The following TRDN variants were observed in gnomAD, a reference collection of about 807,000 sequenced individuals.
TRDN encodes the protein triadin.
Under a neutral mutation model 149.7 loss-of-function variants are expected in TRDN, and 161 were observed. The ratio of observed to expected loss-of-function variants is 1.08; its 90% confidence interval spans 0.95 to 1.23. The LOEUF (loss-of-function observed/expected upper bound fraction) is 1.23. Among genes scored for constraint, TRDN ranks in the 50% most tolerant of loss-of-function variants. The pLI, the probability that TRDN is intolerant of heterozygous loss-of-function variation, is 0.00. For missense variants in TRDN, 896 were observed against 823.5 expected, an observed-to-expected ratio of 1.09 and a Z score of -1.08; for synonymous variants, 294 against 250.5, an observed-to-expected ratio of 1.17 and a Z score of -1.64.
chr6:123,465,910 A>G (rs959628318), intron 9 of TRDN, among the ~76,000 whole-genome samples: 4 of 152,180 alleles, frequency 2.6e-5, no homozygotes, highest in African/African-American at 9.6e-5. Context: ...CTTTTTTAGA[A>G]TTCACCAAAA....
chr6:123,429,686 G>A (rs918251101), intron 12 of TRDN, among the ~76,000 whole-genome samples: 1 of 152,072 alleles, frequency 6.6e-6, no homozygotes, highest in East Asian at 1.9e-4. Flanking sequence ...GTGTCTAACT[G>A]ACATTCCATT....
chr6:123,275,495 G>A (rs1177950779), intron 26 of TRDN, among the ~76,000 whole-genome samples: 1 of 152,104 alleles, frequency 6.6e-6, no homozygotes, highest in Non-Finnish European at 1.5e-5. Flanking sequence ...CTTGATTTTG[G>A]ACTTTTAACT....
In TRDN at chr6:123,255,822, G is replaced by A. The variant is rs1311532453; in HGVS notation, c.1906+45C>T. ...ATACATTTTGACTTAAAATATTTTA[G>A]CTTCAGGGCTTTGCATTCTATTTTT... On this transcript the variant is annotated intron_variant, in intron 36 of 40. Transcript: ENST00000334268. 2.4e-6 allele frequency: 3 copies of A among 1,240,268 alleles called. No individual in the cohort carries two copies. The South Asian group carries it at 5.5e-5, about 23-fold the overall frequency. 76.8% of individuals were successfully genotyped at this position (1,240,268 alleles called of 1,614,324 possible).
At chr6:123,589,867 C>A (rs573374625) in intron 1 of TRDN, among the ~76,000 whole-genome samples, 4 of 152,100 alleles carry the variant, frequency 2.6e-5, no homozygotes, top group East Asian at 1.9e-4. Context: ...TATGGAAGTG[C>A]AAGAACTAAG....
At chr6:123,504,490 G>A (rs1323615830) in intron 7 of TRDN, among the ~76,000 whole-genome samples, 2 of 152,112 alleles carry the variant, frequency 1.3e-5, no homozygotes, top group African/African-American at 2.4e-5. Context: ...AAGACCTATA[G>A]TCTAATGATT....
intron 1 of TRDN, among the ~76,000 whole-genome samples, chr6:123,575,093 A>G (rs1371439179): frequency 1.3e-5 from 2 of 151,628 alleles, no homozygotes; most frequent in African/African-American, 4.8e-5. Context: ...TAATACTGTT[A>G]TGTTTTTCAT....
At chr6:123,232,608 ATT>A (rs1775647179) in intron 38 of TRDN, among the ~76,000 whole-genome samples, 1 of 151,982 alleles carries the variant, frequency 6.6e-6, no homozygotes, top group Non-Finnish European at 1.5e-5. Context: ...CAGAGGCATG[ATT>A]GAGGGAGAAA....
At chr6:123,540,315 C>T (rs1780762903) in intron 4 of TRDN, among the ~76,000 whole-genome samples, 1 of 151,994 alleles carries the variant, frequency 6.6e-6, no homozygotes, top group Non-Finnish European at 1.5e-5. Flanking sequence ...TAATTTTGGC[C>T]TCAACTTTCT....
intron 21 of TRDN, among the ~76,000 whole-genome samples, chr6:123,343,389 AT>A (rs1400015752): frequency 1.3e-5 from 2 of 151,954 alleles, no homozygotes; most frequent in Non-Finnish European, 2.9e-5. Flanking sequence ...CCTAAAACAC[AT>A]TTATGTGGGA....
chr6:123,433,107 A>C (rs1409110575), intron 12 of TRDN, among the ~76,000 whole-genome samples: 1 of 143,152 alleles, frequency 7.0e-6, no homozygotes, highest in Admixed American at 7.1e-5. Context: ...TCTGACTCCT[A>C]GTACAAACCA....
Position 123,636,902 on chromosome 6 carries a change from G to C in TRDN, c.-127C>G. ...AACCTGGGGGCTCTTCGTTTTCCTG[G>C]CTGTTTCTGCTGCTTCTTTGTTGTC... is the stretch of plus-strand genomic sequence containing the variant. On this transcript the variant is annotated 5_prime_UTR_variant, in exon 1 of 41. Transcript: ENST00000334268. The C allele has an allele frequency of 9.9e-7, 1 of 1,009,974 alleles. No individual in the cohort carries two copies. The allele number at this position is 1,009,974 out of a possible 1,614,324, so 62.6% of individuals were successfully genotyped here.
At chr6:123,517,300 C>T (rs1007294742) in intron 5 of TRDN, among the ~76,000 whole-genome samples, 4 of 152,104 alleles carry the variant, frequency 2.6e-5, no homozygotes, top group Admixed American at 1.3e-4. Flanking sequence ...AGACCAATTT[C>T]CAGTTCAGAA....
At chr6:123,404,363 A>G (rs956822113) in intron 12 of TRDN, among the ~76,000 whole-genome samples, 2 of 152,214 alleles carry the variant, frequency 1.3e-5, no homozygotes, top group Non-Finnish European at 2.9e-5. Flanking sequence ...ATGTAATATC[A>G]CTGAATTACT....
intron 23 of TRDN, among the ~76,000 whole-genome samples, chr6:123,316,724 CA>C (rs1779038675): frequency 1.3e-5 from 2 of 151,490 alleles, no homozygotes; most frequent in Non-Finnish European, 3.0e-5. Context: ...ATCCAGTTTG[CA>C]AAAAAGTTTC....
intron 21 of TRDN, among the ~76,000 whole-genome samples, chr6:123,337,974 A>G (rs763570488): frequency 2.0e-4 from 31 of 152,170 alleles, no homozygotes; most frequent in Non-Finnish European, 3.5e-4. Context: ...AACATTGTCT[A>G]CTTACTACGT....
chr6:123,624,921 A>C (rs1352239581), intron 1 of TRDN, among the ~76,000 whole-genome samples: 1 of 152,158 alleles, frequency 6.6e-6, no homozygotes, highest in African/African-American at 2.4e-5. Context: ...TCCAGCTTTT[A>C]TAGTATTATA....
At chr6:123,555,126 CTGA>C (rs1002468453) in intron 2 of TRDN, among the ~76,000 whole-genome samples, 2 of 152,060 alleles carry the variant, frequency 1.3e-5, no homozygotes, top group African/African-American at 4.8e-5. Flanking sequence ...CTTCATTGAC[CTGA>C]TGTTTACTGA....
At chr6:123,546,618 A>G (rs1781126349) in intron 4 of TRDN, among the ~76,000 whole-genome samples, 1 of 152,046 alleles carries the variant, frequency 6.6e-6, no homozygotes, top group South Asian at 2.1e-4. Flanking sequence ...AGATGGTACT[A>G]CCTGCTCCCC....
intron 32 of TRDN, 77 bp downstream of exon 32, chr6:123,267,630 T>C: frequency 5.1e-6 from 5 of 975,944 alleles, no homozygotes; most frequent in Non-Finnish European, 7.4e-6. Context: ...AAATGACTTG[T>C]ATGCATTACT....
Sources: gnomAD v4.1 joint callset for allele counts (sites outside exome capture counted in the v4.1 genomes callset) on GRCh38, gnomAD v4.1.1 for gene constraint, MANE v1.5 for transcripts, NCBI Gene and HGNC (gene_info 2026-07-23, HGNC 2026-07-21) for gene names.